TAFA1: variants seen among roughly 807,000 people sequenced by gnomAD.
TAFA1 encodes TAFA chemokine like family member 1, also known as chemokine-like protein TAFA-1.
Under a neutral mutation model 18.5 loss-of-function variants are expected in TAFA1, and 4 were observed. The ratio of observed to expected loss-of-function variants is 0.22; its 90% CI spans 0.11 to 0.49. TAFA1 has a LOEUF of 0.49. TAFA1 is among the 20% of genes least tolerant of loss of function. The probability of loss-of-function intolerance (pLI) is 0.98; values close to 1 mark genes in which losing one functional copy is unlikely to be tolerated. For missense variants in TAFA1, 147 were observed against 169.0 expected, an observed-to-expected ratio of 0.87 and a Z score of 0.72; for synonymous variants, 56 against 55.2, an observed-to-expected ratio of 1.01 and a Z score of -0.06.
chr3:68,311,788 G>C (rs1266046363), intron 2 of TAFA1, among the ~76,000 whole-genome samples: 1 of 152,204 alleles, frequency 6.6e-6, no homozygotes, highest in Admixed American at 6.5e-5. Context: ...TGCCATTCTG[G>C]GGTCTGGAGG....
chr3:68,495,714 C>T (rs190962891), intron 3 of TAFA1, among the ~76,000 whole-genome samples: 8 of 152,126 alleles, frequency 5.3e-5, no homozygotes, highest in Admixed American at 4.6e-4. Context: ...GCAGGCATGG[C>T]CCGAGGACAG....
intron 3 of TAFA1, among the ~76,000 whole-genome samples, chr3:68,518,086 A>G (rs1201209941): frequency 2.0e-5 from 3 of 152,218 alleles, no homozygotes; most frequent in African/African-American, 7.2e-5. Flanking sequence ...CTGCCTTTGC[A>G]AATTCCTACT....
At chr3:68,514,433 A>G (rs2072892276) in intron 3 of TAFA1, among the ~76,000 whole-genome samples, 1 of 152,046 alleles carries the variant, frequency 6.6e-6, no homozygotes, top group East Asian at 1.9e-4. Flanking sequence ...ATTGTTTGTA[A>G]CCATTTACTT....
At chr3:68,126,062 C>T (rs539431753) in intron 2 of TAFA1, among the ~76,000 whole-genome samples, 5 of 152,328 alleles carry the variant, frequency 3.3e-5, no homozygotes, top group African/African-American at 1.2e-4. Flanking sequence ...ATCACTCTCT[C>T]TGCTCCTTCG....
chr3:68,098,212 A>G lies in TAFA1; in HGVS notation c.118+91468A>G, dbSNP rs575124391. Among the ~76,000 whole-genome samples the G allele has an allele frequency of 2.0e-3, 305 of 152,186 alleles. 1 individual carries two copies. Among genetic ancestry groups the G allele is most frequent in the Non-Finnish European group, 3.3e-3 (226 of 67,996 alleles). ...AATAATTGAATGCATCAAATGGGGG[A>G]AAAAAAGCACAACCTCTCAACTCGA... On this transcript the variant is annotated intron_variant, in intron 2 of 4. Coordinates refer to ENST00000478136, the MANE Select transcript of TAFA1 (RefSeq NM_213609.4).
chr3:68,238,027 G>A (rs2066949869), intron 2 of TAFA1, among the ~76,000 whole-genome samples: 1 of 151,948 alleles, frequency 6.6e-6, no homozygotes, highest in South Asian at 2.1e-4. Flanking sequence ...GCGAAGGCCA[G>A]GGTAGCTGAA....
chr3:67,996,619 T>C, the TAFA1 span, among the ~76,000 whole-genome samples: 1 of 151,924 alleles, frequency 6.6e-6, no homozygotes, highest in African/African-American at 2.4e-5. Context: ...GCCAACATGA[T>C]GAAACCCCAT....
intron 2 of TAFA1, among the ~76,000 whole-genome samples, chr3:68,133,796 C>A (rs1263507585): frequency 6.6e-6 from 1 of 151,986 alleles, no homozygotes; most frequent in Non-Finnish European, 1.5e-5. Context: ...CATGGCAGTC[C>A]ATGGATGCCA....
intron 2 of TAFA1, among the ~76,000 whole-genome samples, chr3:68,210,365 G>A (rs969852450): frequency 2.6e-5 from 4 of 152,090 alleles, no homozygotes; most frequent in Admixed American, 2.0e-4. Context: ...ATGGTTATCA[G>A]TGTGAATACA....
At chr3:68,280,865 C>G (rs999676147) in intron 2 of TAFA1, among the ~76,000 whole-genome samples, 4 of 152,070 alleles carry the variant, frequency 2.6e-5, no homozygotes, top group African/African-American at 9.7e-5. Flanking sequence ...GATCTTGGTT[C>G]TTCTCAACTT....
At chr3:68,375,082 G>C (rs750924852) in intron 2 of TAFA1, among the ~76,000 whole-genome samples, 29 of 152,042 alleles carry the variant, frequency 1.9e-4, no homozygotes, top group Non-Finnish European at 3.4e-4. Context: ...CTTTGTATAA[G>C]AAGATTCTCT....
At position 68,306,373 on chromosome 3, in the gene TAFA1, G is replaced by A. The variant is rs114099980; in HGVS notation, c.119-110907G>A. ...TTTGACCTTGCAAAAATTTAATTAA[G>A]TGACAGTAATTATCAGGCTGTTATT... On this transcript the variant is annotated intron_variant, in intron 2 of 4. Coordinates refer to ENST00000478136, the MANE Select transcript of TAFA1 (RefSeq NM_213609.4). Among the ~76,000 whole-genome samples, 638 of 152,242 alleles carry A rather than the reference G, an allele frequency of 4.2e-3. 4 individuals carry two copies. The highest frequency in any genetic ancestry group is 0.014 in the African/African-American group (576 of 41,526).
intron 2 of TAFA1, among the ~76,000 whole-genome samples, chr3:68,349,828 T>C (rs1011275443): frequency 1.2e-4 from 19 of 152,086 alleles, no homozygotes; most frequent in African/African-American, 4.6e-4. Flanking sequence ...CCTTCCCTAG[T>C]GGGGATGCGG....
chr3:68,255,956 TAATC>T (rs1575714792), intron 2 of TAFA1, among the ~76,000 whole-genome samples: 1 of 152,282 alleles, frequency 6.6e-6, no homozygotes, highest in East Asian at 1.9e-4. Context: ...ATTAATTTGT[TAATC>T]AATCTATTTA....
chr3:68,460,656 T>C (rs1220949915), intron 3 of TAFA1, among the ~76,000 whole-genome samples: 1 of 152,182 alleles, frequency 6.6e-6, no homozygotes, highest in Non-Finnish European at 1.5e-5. Flanking sequence ...GAGTGAATAT[T>C]CACCTACATA....
At chr3:68,260,824 A>AAAACCTAGG (rs961313485) in intron 2 of TAFA1, among the ~76,000 whole-genome samples, 2 of 152,208 alleles carry the variant, frequency 1.3e-5, no homozygotes, top group Non-Finnish European at 2.9e-5. Context: ...ATCCTAGAAG[A>AAAACCTAGG]AAACCTAGGC....
At chr3:68,370,472 GTATATATATATATATATATATA>G (rs749877780) in intron 2 of TAFA1, among the ~76,000 whole-genome samples, 14 of 33,034 alleles carry the variant, frequency 4.2e-4, no homozygotes, top group African/African-American at 1.5e-3. Context: ...GTGTGTGTGT[GTATATATATATATATATATATA>G]TATATATATA....
chr3:68,180,008 T>A (rs2066175455), intron 2 of TAFA1, among the ~76,000 whole-genome samples: 1 of 121,476 alleles, frequency 8.2e-6, no homozygotes, highest in South Asian at 2.9e-4. Flanking sequence ...CTATAACACA[T>A]AATTTTATTA....
intron 3 of TAFA1, among the ~76,000 whole-genome samples, chr3:68,492,971 C>A (rs915256965): frequency 3.9e-5 from 6 of 152,064 alleles, no homozygotes; most frequent in Non-Finnish European, 7.4e-5. Context: ...CCAGAAAATT[C>A]TTTTTTCTTA....
Sources: allele counts gnomAD v4.1 joint callset (sites outside exome capture counted in the v4.1 genomes callset), GRCh38; gene constraint gnomAD v4.1.1; transcripts MANE v1.5; gene names NCBI Gene and HGNC (gene_info 2026-07-23, HGNC 2026-07-21).